Variants in SHISA6 observed in about 807,000 individuals in gnomAD.
The protein encoded by SHISA6 is shisa family member 6.
A neutral mutation model predicts 47.9 loss-of-function variants in SHISA6; 22 were observed. The ratio of observed to expected loss-of-function variants is 0.46; its 90% CI spans 0.33 to 0.66. SHISA6 has a LOEUF of 0.66. Ranked by LOEUF, SHISA6 falls within the 30% of genes least tolerant of loss-of-function variation. The probability of loss-of-function intolerance (pLI) is 0.02; values close to 1 mark genes in which losing one functional copy is unlikely to be tolerated. For synonymous variants in SHISA6, 388 were observed against 337.8 expected (o/e 1.15, Z -1.63); for missense variants, 680 against 764.6 (o/e 0.89, Z 1.30).
intron 3 of SHISA6, among the ~76,000 whole-genome samples, chr17:11,381,595 A>G (rs1913010806): frequency 1.3e-5 from 2 of 152,180 alleles, no homozygotes; most frequent in Non-Finnish European, 2.9e-5. Flanking sequence ...ACCAGAGTGG[A>G]AAGAGAGAGG....
rs1410176730 is a variant in SHISA6 at position 11,558,248 on chromosome 17, T to G, written c.1600T>G (p.Tyr534Asp). 6.5e-7 allele frequency: 1 copy of G among 1,539,878 alleles called. No homozygotes were observed. The highest frequency in any genetic ancestry group is 8.7e-7 in the Non-Finnish European group (1 of 1,146,948). The change falls in exon 6 of 6, where the codon TAC (tyrosine) becomes GAC (aspartate). Residue 534 changes from tyrosine (Y) to aspartate (D), a missense_variant. Transcript: ENST00000441885. The stretch of plus-strand genomic sequence containing the variant: ...ACACAACACGGTGGAGCAGCTGCAC[T>G]ACATCCCGGGCCACCACACCTGCTA... ...RRHNTVEQLH[Y>D]IPGHHTCYTA...
chr17:11,486,778 G>C (rs1916358783), intron 3 of SHISA6, among the ~76,000 whole-genome samples: 1 of 152,178 alleles, frequency 6.6e-6, no homozygotes, highest in South Asian at 2.1e-4. Flanking sequence ...GTTGTCACCA[G>C]CTGTCCTCAG....
At chr17:11,545,822 ATCCTTCTC>A (rs2071878475) in intron 3 of SHISA6, among the ~76,000 whole-genome samples, 1 of 152,198 alleles carries the variant, frequency 6.6e-6, no homozygotes, top group South Asian at 2.1e-4. Context: ...CCTTTCATGT[ATCCTTCTC>A]ATGTGGCCTG....
intron 3 of SHISA6, among the ~76,000 whole-genome samples, chr17:11,396,590 T>C (rs1378436980): frequency 2.6e-5 from 4 of 152,206 alleles, no homozygotes; most frequent in Admixed American, 6.5e-5. Flanking sequence ...GTTGAACTAA[T>C]TTATTCTCCC....
chr17:11,303,589 T>C lies in SHISA6; in HGVS notation c.799+40063T>C, dbSNP rs142020775. 3.6e-3 allele frequency among the ~76,000 whole-genome samples: 548 copies of C among 152,198 alleles called. 3 individuals are homozygous for C. The highest frequency in any genetic ancestry group is 0.013 in the African/African-American group (528 of 41,516). The stretch of plus-strand genomic sequence containing the variant: ...GCTGCCATGAGGTGACGGGATTTTT[T>C]ACCTGTAGGAGAGCCACACAGAAAA... On this transcript the variant is annotated intron_variant, in intron 2 of 5. Coordinates refer to ENST00000441885, the MANE Select transcript of SHISA6 (RefSeq NM_207386.4).
intron 3 of SHISA6, among the ~76,000 whole-genome samples, chr17:11,394,570 A>G (rs910415163): frequency 6.6e-6 from 1 of 152,184 alleles, no homozygotes; most frequent in Non-Finnish European, 1.5e-5. Flanking sequence ...TTTGATATCT[A>G]CACCTACAGC....
intron 3 of SHISA6, among the ~76,000 whole-genome samples, chr17:11,544,402 G>A (rs2071863912): frequency 1.3e-5 from 2 of 152,014 alleles, no homozygotes; most frequent in African/African-American, 2.4e-5. Context: ...AAGTAACGAC[G>A]AGACATTATA....
intron 3 of SHISA6, among the ~76,000 whole-genome samples, chr17:11,455,696 ATT>A (rs1266365757): frequency 6.6e-6 from 1 of 152,022 alleles, no homozygotes; most frequent in African/African-American, 2.4e-5. Context: ...GACACCCCCA[ATT>A]TGCACAGAAA....
At chr17:11,527,885 T>C (rs2071699552) in intron 3 of SHISA6, among the ~76,000 whole-genome samples, 1 of 152,188 alleles carries the variant, frequency 6.6e-6, no homozygotes, top group South Asian at 2.1e-4. Flanking sequence ...GTCCCTAGTT[T>C]TTATTCACTT....
At chr17:11,491,769 TG>T (rs1226181285) in intron 3 of SHISA6, among the ~76,000 whole-genome samples, 3 of 101,150 alleles carry the variant, frequency 3.0e-5, no homozygotes, top group African/African-American at 6.6e-5. Context: ...GCTGGTGAAG[TG>T]TTTTTTTTTT....
chr17:11,342,116 G>A (rs1399726281), intron 2 of SHISA6, among the ~76,000 whole-genome samples: 1 of 152,096 alleles, frequency 6.6e-6, no homozygotes, highest in Non-Finnish European at 1.5e-5. Context: ...GGGTGATGGG[G>A]GAGAAGCCTC....
intron 2 of SHISA6, among the ~76,000 whole-genome samples, chr17:11,326,053 G>A (rs977869515): frequency 4.6e-5 from 7 of 152,254 alleles, no homozygotes; most frequent in African/African-American, 1.4e-4. Flanking sequence ...GGCGGATCAC[G>A]AGGTCAGGAG....
At chr17:11,528,829 A>C (rs2071708981) in intron 3 of SHISA6, among the ~76,000 whole-genome samples, 1 of 152,156 alleles carries the variant, frequency 6.6e-6, no homozygotes, top group Admixed American at 6.5e-5. Flanking sequence ...TTTATAGTCA[A>C]CTGCTGCTTA....
intron 3 of SHISA6, among the ~76,000 whole-genome samples, chr17:11,536,086 G>T (rs1015291845): frequency 6.6e-6 from 1 of 151,890 alleles, no homozygotes; most frequent in African/African-American, 2.4e-5. Flanking sequence ...TGATAGGGAT[G>T]GCAATATGTG....
chr17:11,432,095 TC>T (rs1221556776), intron 3 of SHISA6, among the ~76,000 whole-genome samples: 1 of 152,222 alleles, frequency 6.6e-6, no homozygotes, highest in African/African-American at 2.4e-5. Context: ...AATATTGGGT[TC>T]TTCCATGAAA....
intron 2 of SHISA6, among the ~76,000 whole-genome samples, chr17:11,326,932 A>T (rs1420850270): frequency 6.6e-6 from 1 of 152,220 alleles, no homozygotes; most frequent in Non-Finnish European, 1.5e-5. Flanking sequence ...AGACAATGCG[A>T]TTCTGAAATA....
At chr17:11,464,133 T>C (rs1159922189) in intron 3 of SHISA6, among the ~76,000 whole-genome samples, 1 of 152,094 alleles carries the variant, frequency 6.6e-6, no homozygotes, top group Non-Finnish European at 1.5e-5. Context: ...CCCAGGCTGG[T>C]CTTGAACTCC....
intron 2 of SHISA6, among the ~76,000 whole-genome samples, chr17:11,281,887 A>G (rs1181294503): frequency 6.6e-6 from 1 of 152,254 alleles, no homozygotes; most frequent in Non-Finnish European, 1.5e-5. Context: ...ATCCTAGAAC[A>G]TTCTCAAAAT....
chr17:11,419,304 T>C (rs929025354), intron 3 of SHISA6, among the ~76,000 whole-genome samples: 1 of 151,882 alleles, frequency 6.6e-6, no homozygotes, highest in Non-Finnish European at 1.5e-5. Flanking sequence ...GTTCCTTTCT[T>C]AAATTATATC....
Sources: allele counts gnomAD v4.1 joint callset (sites outside exome capture counted in the v4.1 genomes callset), GRCh38; gene constraint gnomAD v4.1.1; transcripts MANE v1.5; gene names NCBI Gene and HGNC (gene_info 2026-07-23, HGNC 2026-07-21).